Variants in HIRA observed in about 807,000 individuals in gnomAD.
HIRA encodes histone cell cycle regulator.
A neutral mutation model predicts 126.6 loss-of-function variants in HIRA; 13 were observed. That is an observed-to-expected ratio of 0.10 (90% CI 0.07 to 0.16). HIRA has a LOEUF of 0.16. Among genes scored for constraint, HIRA ranks in the 10% least tolerant of loss-of-function variants. The probability of loss-of-function intolerance (pLI) is 1.00; values close to 1 mark genes in which losing one functional copy is unlikely to be tolerated. For missense variants in HIRA, 834 were observed against 1,314.4 expected (o/e 0.63, Z 5.65); for synonymous variants, 511 against 520.0 (o/e 0.98, Z 0.24).
chr22:19,363,238 A>C (rs539968759), intron 15 of HIRA, among the ~76,000 whole-genome samples: 1 of 151,798 alleles, frequency 6.6e-6, no homozygotes, highest in Admixed American at 6.6e-5. Context: ...GTCTCAAAAA[A>C]AAAAACAAAA....
At chr22:19,372,273 C>T (rs1242643487) in intron 15 of HIRA, among the ~76,000 whole-genome samples, 3 of 152,294 alleles carry the variant, frequency 2.0e-5, no homozygotes, top group African/African-American at 7.2e-5. Flanking sequence ...CTTTTAATTA[C>T]AGACCTCCAA....
At chr22:19,428,276 T>C (rs984705403) in intron 1 of HIRA, among the ~76,000 whole-genome samples, 1 of 152,230 alleles carries the variant, frequency 6.6e-6, no homozygotes, top group Admixed American at 6.5e-5. Flanking sequence ...TGGCTACCAA[T>C]GGACATTGGC....
At position 19,339,635 on chromosome 22, in the gene HIRA, C is replaced by CAAAAAA. The variant is rs147574342; in HGVS notation, c.2938-8085_2938-8080dup. ...TGGGCGACAGAGCGAGACTCCGTCT[C>CAAAAAA]AAAAAAAAAAAAAAAAGATCCAATT... On this transcript the variant is annotated intron_variant, in intron 24 of 24. Coordinates refer to ENST00000263208, the MANE Select transcript of HIRA (RefSeq NM_003325.4). Among the ~76,000 whole-genome samples the CAAAAAA allele has an allele frequency of 1.0e-4, 7 of 68,634 alleles. No individual in the cohort carries two copies. The East Asian group carries it at 3.2e-3, about 31-fold the overall frequency. 45.0% of individuals were successfully genotyped at this position (68,634 alleles called of 152,430 possible).
intron 9 of HIRA, among the ~76,000 whole-genome samples, chr22:19,391,370 G>C (rs571380799): frequency 1.4e-3 from 219 of 152,206 alleles, no homozygotes; most frequent in Non-Finnish European, 2.7e-3. Context: ...GAGGGACAAA[G>C]GGACAAAAAG....
intron 24 of HIRA, among the ~76,000 whole-genome samples, chr22:19,341,296 C>A (rs1169704061): frequency 1.3e-5 from 2 of 151,766 alleles, no homozygotes; most frequent in Non-Finnish European, 2.9e-5. Flanking sequence ...ACAAAACATA[C>A]AAAAATTAGC....
At chr22:19,367,586 C>T (rs1281213829) in intron 15 of HIRA, among the ~76,000 whole-genome samples, 1 of 152,102 alleles carries the variant, frequency 6.6e-6, no homozygotes, top group Non-Finnish European at 1.5e-5. Flanking sequence ...AGGGTGGTCT[C>T]GAATTCCTGA....
rs780294288 is a variant in HIRA, at chr22:19,385,594, G to C, written c.1256C>G (p.Ala419Gly). ...GGTGGCTGAGCCCATCTCCCTGGTCGCAGCACTCTTCTGGTCCAGCTGCTG... is the reference window on the plus strand; with the variant it reads ...GGTGGCTGAGCCCATCTCCCTGGTCCCAGCACTCTTCTGGTCCAGCTGCTG... ...QQQQLDQKSAATREMGSATSV... is the reference protein window; with the variant it reads ...QQQQLDQKSAGTREMGSATSV... The change falls in exon 12 of 25, where the codon GCG (alanine) becomes GGG (glycine). Residue 419 changes from alanine to glycine, a missense_variant. This residue lies in a region of HIRA where 153 missense variants were observed against 270.6 expected (regional missense o/e 0.57). Coordinates refer to ENST00000263208, the MANE Select transcript of HIRA (RefSeq NM_003325.4). The C allele has an allele frequency of 1.9e-6, 3 of 1,614,040 alleles. No individual in the cohort carries two copies. The African/African-American group carries it at 4.0e-5, about 22-fold the overall frequency.
At chr22:19,393,370 A>T (rs5748176) in intron 8 of HIRA, among the ~76,000 whole-genome samples, 29,858 of 151,792 alleles carry the variant, frequency 0.2, 5,886 homozygotes, top group African/African-American at 0.5. Flanking sequence ...TTTTATTTTT[A>T]TTTTTGAGAC....
At chr22:19,343,979 T>A (rs1223704392) in intron 24 of HIRA, among the ~76,000 whole-genome samples, 1 of 151,520 alleles carries the variant, frequency 6.6e-6, no homozygotes, top group Non-Finnish European at 1.5e-5. Context: ...CCCAAAGTGC[T>A]GGGATTACAG....
rs889207179 is a variant in HIRA, at chr22:19,351,845, C to T, written c.2849-399G>A. Among the ~76,000 whole-genome samples, 8 of 151,968 alleles carry T rather than the reference C, an allele frequency of 5.3e-5. No individual in the cohort carries two copies. The highest frequency in any genetic ancestry group is 8.8e-5 in the Non-Finnish European group (6 of 67,996). The stretch of plus-strand genomic sequence containing the variant: ...TTGAGGGGAGGTCAGGAGGGTGGGA[C>T]GGCCAGCCCGCAGGAGGTAAGAGAT... On this transcript the variant is annotated intron_variant, in intron 23 of 24. Coordinates refer to ENST00000263208, the MANE Select transcript of HIRA (RefSeq NM_003325.4). The surrounding 1 kb of genome is among the most constrained non-coding windows in gnomAD (Gnocchi z 4.8).
intron 1 of HIRA, among the ~76,000 whole-genome samples, chr22:19,425,801 T>G (rs1601865139): frequency 6.6e-6 from 1 of 152,146 alleles, no homozygotes; most frequent in African/African-American, 2.4e-5. Context: ...CAGGCCAACG[T>G]GGCGAAAATG....
rs770664409 is a variant in HIRA, at chr22:19,431,430, G to A, written c.37+10C>T. On this transcript the variant is annotated intron_variant, in intron 1 of 24. Coordinates refer to ENST00000263208, the MANE Select transcript of HIRA (RefSeq NM_003325.4). ...GGGCTCGGCCTCCCGCGACCCCTGC[G>A]CGCACTCACCATTGTGGTTGACCCA... 9 of 1,608,474 alleles carry A rather than the reference G, an allele frequency of 5.6e-6. No homozygotes were observed. The highest frequency in any genetic ancestry group is 1.6e-4 in the Middle Eastern group (1 of 6,074).
chr22:19,377,511 T>C (rs2146211221), intron 14 of HIRA, among the ~76,000 whole-genome samples: 1 of 152,268 alleles, frequency 6.6e-6, no homozygotes, highest in South Asian at 2.1e-4. Flanking sequence ...TGTGATGTGC[T>C]CAGCAGAGTG....
chr22:19,395,668 C>T (rs933657003), intron 7 of HIRA, among the ~76,000 whole-genome samples: 3 of 152,180 alleles, frequency 2.0e-5, no homozygotes, highest in Admixed American at 1.3e-4. Context: ...ATGTGTCCCT[C>T]GCTCTGTGAA....
chr22:19,405,507 G>A (rs1247593277), intron 5 of HIRA: 1 of 985,362 alleles, frequency 1.0e-6, no homozygotes, highest in Non-Finnish European at 1.2e-6. Context: ...TGTTCAGCAG[G>A]ACAAACAGCA....
At chr22:19,354,547 A>T (rs2088791858) in intron 21 of HIRA, among the ~76,000 whole-genome samples, 2 of 152,224 alleles carry the variant, frequency 1.3e-5, no homozygotes, top group African/African-American at 4.8e-5. Flanking sequence ...CAACTATCCC[A>T]GACTGGCAGT....
At chr22:19,388,867 C>T (rs559005674) in intron 9 of HIRA, among the ~76,000 whole-genome samples, 116 of 152,212 alleles carry the variant, frequency 7.6e-4, no homozygotes, top group African/African-American at 2.6e-3. Context: ...GGGCTATGGT[C>T]GGAGGAGAGG....
At chr22:19,412,597 C>G (rs1053435853) in intron 1 of HIRA, among the ~76,000 whole-genome samples, 1 of 152,208 alleles carries the variant, frequency 6.6e-6, no homozygotes, top group African/African-American at 2.4e-5. Context: ...CCTTGGAGTG[C>G]TTTTCAGTTC....
In HIRA at chr22:19,339,363, G is replaced by A. The variant is rs149714747; in HGVS notation, c.2938-7807C>T. Among the ~76,000 whole-genome samples the A allele has an allele frequency of 5.2e-3, 784 of 152,216 alleles. 14 individuals carry two copies. Among genetic ancestry groups the A allele is most frequent in the African/African-American group, 0.018 (764 of 41,566 alleles). On this transcript the variant is annotated intron_variant, in intron 24 of 24. Transcript: ENST00000263208. ...AAAAAGTATGAAAGAGGCCAAGCAC[G>A]GTGGCTCGTGTCTGTAATCCCAGCA...
Sources: gnomAD v4.1 joint callset for allele counts (sites outside exome capture counted in the v4.1 genomes callset) on GRCh38, gnomAD v4.1.1 for gene constraint, gnomAD v4.1.1 regional missense constraint, Gnocchi (gnomAD v3.1) non-coding constraint, MANE v1.5 for transcripts, NCBI Gene and HGNC (gene_info 2026-07-23, HGNC 2026-07-21) for gene names.